Variants in IFT172 observed in about 807,000 individuals in gnomAD.
IFT172 encodes the protein intraflagellar transport 172, also known as intraflagellar transport protein 172 homolog.
In IFT172, 164 loss-of-function variants were observed where a neutral mutation model predicts 248.9. The ratio of observed to expected loss-of-function variants is 0.66; its 90% CI spans 0.58 to 0.75. The LOEUF (loss-of-function observed/expected upper bound fraction) is 0.75. Ranked by LOEUF, IFT172 falls within the 30% of genes least tolerant of loss-of-function variation. The probability of loss-of-function intolerance (pLI) is 0.00; values close to 1 mark genes in which losing one functional copy is unlikely to be tolerated. For missense variants in IFT172, 1,950 were observed against 2,192.4 expected (o/e 0.89, Z 2.21); for synonymous variants, 729 against 791.6 (o/e 0.92, Z 1.33).
chr2:27,462,636 G>T (rs761793259), intron 20 of IFT172, 65 bp downstream of exon 20: 16 of 1,426,196 alleles, frequency 1.1e-5, no homozygotes, highest in Non-Finnish European at 1.2e-5. Flanking sequence ...CCTTGAGTTT[G>T]TACCCCCTTT....
intron 33 of IFT172, 117 bp from the exon 34 acceptor site, chr2:27,453,856 T>C: frequency 7.2e-7 from 1 of 1,381,024 alleles, no homozygotes; most frequent in Non-Finnish European, 1.0e-6. Flanking sequence ...TCCTCCTCTT[T>C]CCTGTCTTCC....
chr2:27,476,592 G>A (rs759398008), intron 14 of IFT172, 49 bp downstream of exon 14: 3 of 1,141,002 alleles, frequency 2.6e-6, no homozygotes, highest in Non-Finnish European at 2.6e-6. Flanking sequence ...ATGGAAGTGT[G>A]ATATAAACAT....
chr2:27,453,430 A>C lies in IFT172; in HGVS notation c.3905T>G (p.Val1302Gly), dbSNP rs1279991600. 6.2e-7 allele frequency: 1 copy of C among 1,614,176 alleles called. No homozygotes were observed. Among genetic ancestry groups the C allele is most frequent in the Non-Finnish European group, 8.5e-7 (1 of 1,180,034 alleles). Reference protein sequence around the residue: ...YSRAVDCYLKVRDSGNSGLAE... With the variant: ...YSRAVDCYLKGRDSGNSGLAE... ...CAGGCCGCTGTTTCCAGAGTCTCGC[A>C]CTTTGAGGTAGCAGTCCACGGCACG... The change falls in exon 35 of 48, where the codon GTG (valine) becomes GGG (glycine). Residue 1302 changes from valine to glycine, a missense_variant. Val to Gly is a moderately radical substitution (Grantham distance 109, BLOSUM62 -3). Transcript: ENST00000260570.
At chr2:27,473,504 G>T (rs180843202) in intron 14 of IFT172, among the ~76,000 whole-genome samples, 5 of 151,140 alleles carry the variant, frequency 3.3e-5, no homozygotes, top group Admixed American at 2.6e-4. Flanking sequence ...TAGAGACAGG[G>T]TTTCACCGTG....
intron 14 of IFT172, 57 bp from the exon 15 acceptor site, chr2:27,472,419 G>T: frequency 7.4e-7 from 1 of 1,346,472 alleles, no homozygotes; most frequent in Non-Finnish European, 1.0e-6. Flanking sequence ...TACATAGTAT[G>T]GCCAACACAC....
At chr2:27,458,543 T>C (rs1296872487) in intron 26 of IFT172, among the ~76,000 whole-genome samples, 1 of 152,138 alleles carries the variant, frequency 6.6e-6, no homozygotes, top group Non-Finnish European at 1.5e-5. Context: ...GTAGTTCAGA[T>C]TCCCCAGCTC....
intron 35 of IFT172, among the ~76,000 whole-genome samples, chr2:27,452,105 G>T (rs919723595): frequency 2.6e-5 from 4 of 152,054 alleles, no homozygotes; most frequent in African/African-American, 9.7e-5. Flanking sequence ...TTTGGATGAG[G>T]TTAACATTTA....
chr2:27,446,058 A>G (rs1665064306), intron 43 of IFT172, 70 bp from the exon 44 acceptor site: 1 of 1,578,476 alleles, frequency 6.3e-7, no homozygotes, highest in Middle Eastern at 1.7e-4. Context: ...TGGGATCCAG[A>G]TGCAAATGGG....
chr2:27,470,832 G>T, intron 16 of IFT172, 96 bp downstream of exon 16: 1 of 1,191,316 alleles, frequency 8.4e-7, no homozygotes, highest in Non-Finnish European at 1.2e-6. Context: ...GATTAAGGGT[G>T]GTGGACACAG....
In IFT172 at chr2:27,477,227, G is replaced by A. The variant is rs756627876; in HGVS notation, c.1315C>T (p.His439Tyr). 3.7e-6 allele frequency: 6 copies of A among 1,612,994 alleles called. No homozygotes were observed. In the South Asian group the frequency reaches 6.6e-5, roughly 18 times the overall value. ...GSVRTEFMNP[H>Y]LISVRINERC... ...ATCTTGTGAGGTTACCTGATGAGGT[G>A]GGGGTTCATGAATTCAGTGCGTACA... The change falls in exon 13 of 48, where the codon CAC becomes TAC. Residue 439 changes from histidine to tyrosine, a missense_variant. Transcript: ENST00000260570.
chr2:27,485,178 AC>A lies in IFT172; in HGVS notation c.184-49del, dbSNP rs770937199. ...AGAAAGAAAAAGAAGTAATGAGTACACATGAAAGAGAAAAGAGAAAAAAAGG... is the reference window on the plus strand; with the variant it reads ...AGAAAGAAAAAGAAGTAATGAGTACAATGAAAGAGAAAAGAGAAAAAAAGG... On this transcript the variant is annotated intron_variant, in intron 2 of 47. Coordinates refer to ENST00000260570, the MANE Select transcript of IFT172 (RefSeq NM_015662.3). 5 of 1,448,476 alleles carry A rather than the reference AC, an allele frequency of 3.5e-6. No individual in the cohort carries two copies. In the Admixed American group the frequency reaches 9.7e-5, roughly 28 times the overall value. The allele number at this position is 1,448,476 out of a possible 1,614,324, so 89.7% of individuals were successfully genotyped here.
Position 27,447,457 on chromosome 2 carries a change from T to C in IFT172, c.4659+58A>G, listed in dbSNP as rs1665243380. ...TCCAGAACGTGAATCAATTCAGCTT[T>C]ATACATTTGCAGATGAGCCCTTCTG... On this transcript the variant is annotated intron_variant, in intron 42 of 47. Coordinates refer to ENST00000260570, the MANE Select transcript of IFT172 (RefSeq NM_015662.3). 3 of 1,591,592 alleles carry C rather than the reference T, an allele frequency of 1.9e-6. No homozygotes were observed. In the Admixed American group the frequency reaches 5.2e-5, roughly 28 times the overall value.
intron 28 of IFT172, 38 bp downstream of exon 28, chr2:27,457,803 T>C: frequency 4.3e-6 from 7 of 1,614,076 alleles, no homozygotes; most frequent in Non-Finnish European, 5.9e-6. Flanking sequence ...TGGAGCCTGG[T>C]TGGGGAAGAG....
rs199784373 is a variant in IFT172 at position 27,459,814 on chromosome 2, C to T, written c.2537G>A (p.Arg846Gln). 4.3e-6 allele frequency: 7 copies of T among 1,611,830 alleles called. No individual in the cohort carries two copies. Among genetic ancestry groups the T allele is most frequent in the African/African-American group, 1.3e-5 (1 of 74,906 alleles). ...NAFMKAVELA[R>Q]LAFPVEVVKL... is the part of the protein sequence containing the mutation. ...CACCACCTCCACTGGGAAGGCCAAT[C>T]GAGCCAGCTCTACCGCTGCCAGGGA... is the stretch of plus-strand genomic sequence containing the variant. The change falls in exon 24 of 48, where the codon CGA (arginine) becomes CAA (glutamine). Residue 846 changes from arginine (R) to glutamine (Q), a missense_variant. Arg to Gln is a conservative substitution (Grantham distance 43). Transcript: ENST00000260570.
At position 27,477,289 on chromosome 2, in the gene IFT172, G is replaced by A; in HGVS notation, c.1253C>T (p.Thr418Ile). The A allele has an allele frequency of 1.9e-6, 3 of 1,614,110 alleles. No homozygotes were observed. In the East Asian group the frequency reaches 6.7e-5, roughly 36 times the overall value. Residue 418 changes from threonine to isoleucine, a missense_variant, in exon 13 of 48, where the codon ACC (threonine) becomes ATC (isoleucine). By Grantham distance (89) the Thr-to-Ile change is moderately conservative. Coordinates refer to ENST00000260570, the MANE Select transcript of IFT172 (RefSeq NM_015662.3). The part of the protein sequence containing the change: ...VCMIFNAGEL[T>I]LVEYGNNDTL... ...GTCATTATTCCCATATTCCACCAGG[G>A]TTAGCTCTCCGGCATTGAAGATCAT...
At chr2:27,453,132 A>G (rs889930638) in intron 35 of IFT172, 2 of 620,784 alleles carry the variant, frequency 3.2e-6, no homozygotes, top group African/African-American at 3.7e-5. Context: ...GTCTTTACTC[A>G]GATATGATAG....
intron 7 of IFT172, among the ~76,000 whole-genome samples, 190 bp from the exon 8 acceptor site, chr2:27,481,450 CACAT>C (rs1444560003): frequency 4.7e-4 from 71 of 150,422 alleles, no homozygotes; most frequent in African/African-American, 1.8e-3. Flanking sequence ...CACACACACA[CACAT>C]ACACACACAC....
At position 27,481,267 on chromosome 2, in the gene IFT172, C is replaced by G. The variant is rs764632029; in HGVS notation, c.571-7G>C. 22 of 1,608,084 alleles carry G rather than the reference C, an allele frequency of 1.4e-5. No individual in the cohort carries two copies. The highest frequency in any genetic ancestry group is 2.2e-4 in the Middle Eastern group (1 of 4,468). ...GGTGGTTAACCAACTTCCCCTAAGA[C>G]AGAAGTAGAGGGTTTCAATCACTCT... On this transcript the variant is annotated splice_polypyrimidine_tract_variant and splice_region_variant and intron_variant, in intron 7 of 47. Transcript: ENST00000260570.
intron 17 of IFT172, 42 bp downstream of exon 17, chr2:27,465,704 A>G: frequency 6.2e-7 from 1 of 1,613,084 alleles, no homozygotes; most frequent in Non-Finnish European, 8.5e-7. Flanking sequence ...TCTCAGAACC[A>G]GACTCTCCCA....
Sources: gnomAD v4.1 joint callset for allele counts (sites outside exome capture counted in the v4.1 genomes callset) on GRCh38, gnomAD v4.1.1 for gene constraint, MANE v1.5 for transcripts, NCBI Gene and HGNC (gene_info 2026-07-23, HGNC 2026-07-21) for gene names.